Variants in RNF150 observed in about 807,000 individuals in gnomAD.
RNF150 encodes the protein ring finger protein 150.
RNF150 carries 24 observed loss-of-function variants against 39.3 expected under a neutral mutation model. That is an observed-to-expected ratio of 0.61 (90% CI 0.44 to 0.86). The LOEUF is 0.86. RNF150 is among the 40% of genes least tolerant of loss of function. The pLI, the probability that RNF150 is intolerant of heterozygous loss-of-function variation, is 0.00. For synonymous variants in RNF150, 255 were observed against 227.3 expected, an observed-to-expected ratio of 1.12 and a Z score of -1.10; for missense variants, 502 against 587.8, an observed-to-expected ratio of 0.85 and a Z score of 1.51.
At chr4:140,989,941 A>T (rs1734139012) in intron 1 of RNF150, among the ~76,000 whole-genome samples, 1 of 152,236 alleles carries the variant, frequency 6.6e-6, no homozygotes, top group East Asian at 1.9e-4. Context: ...ACATATGCTG[A>T]AAGCATGGAC....
At chr4:140,999,974 A>G (rs1279303613) in intron 1 of RNF150, among the ~76,000 whole-genome samples, 6 of 30,536 alleles carry the variant, frequency 2.0e-4, no homozygotes, top group South Asian at 3.4e-3. Flanking sequence ...AAGAAGAAGA[A>G]GAAAAGAAGA....
In RNF150 at chr4:141,178,488, G is replaced by GT. The variant is rs1164728487; in HGVS notation, c.-6+34305dup. Among the ~76,000 whole-genome samples, 141 of 152,274 alleles carry GT rather than the reference G, an allele frequency of 9.3e-4. 2 individuals are homozygous for GT. The highest frequency in any genetic ancestry group is 3.3e-3 in the African/African-American group (138 of 41,560). ...GTATATTTTCTTTATTTTTTTCCAT[G>GT]TAAGAGGTACGTTGAGAAGAACAAT... is the stretch of plus-strand genomic sequence containing the variant. On this transcript the variant is annotated intron_variant, in intron 1 of 7. Transcript: ENST00000420921.
At chr4:141,155,068 G>C (rs1440876086) in intron 1 of RNF150, among the ~76,000 whole-genome samples, 3 of 151,878 alleles carry the variant, frequency 2.0e-5, no homozygotes, top group Non-Finnish European at 4.4e-5. Context: ...TATACATTTG[G>C]AGAGGAGAGC....
At chr4:141,056,711 G>A (rs376613970) in intron 1 of RNF150, among the ~76,000 whole-genome samples, 10 of 151,560 alleles carry the variant, frequency 6.6e-5, no homozygotes, top group African/African-American at 2.4e-4. Context: ...ACATGAAGGC[G>A]TGAGGGAAAA....
At chr4:140,964,466 T>C (rs1733156937) in intron 2 of RNF150, among the ~76,000 whole-genome samples, 1 of 152,108 alleles carries the variant, frequency 6.6e-6, no homozygotes, top group South Asian at 2.1e-4. Context: ...AATGAGGCTG[T>C]TAATAATATA....
At chr4:141,153,107 T>C (rs972829443) in intron 1 of RNF150, among the ~76,000 whole-genome samples, 1 of 152,146 alleles carries the variant, frequency 6.6e-6, no homozygotes, top group African/African-American at 2.4e-5. Context: ...TGAGAAAAAT[T>C]TTTAATTCTT....
rs575127875 is a variant in RNF150, at chr4:141,129,223, T to G, written c.484+3102A>C. ...TAGAAACAACGTAATTTTCCATCAG[T>G]TGATGAATAAATACACAAAATGTGA... On this transcript the variant is annotated intron_variant, in intron 1 of 6. Coordinates refer to ENST00000515673, the MANE Select transcript of RNF150 (RefSeq NM_020724.2). Among the ~76,000 whole-genome samples the G allele has an allele frequency of 2.0e-5, 3 of 152,308 alleles. No individual in the cohort carries two copies. In the South Asian group the frequency reaches 6.2e-4, roughly 32 times the overall value.
At position 141,195,107 on chromosome 4, in the gene RNF150, T is replaced by TACAC. The variant is rs71584397; in HGVS notation, c.-6+17683_-6+17686dup. Among the ~76,000 whole-genome samples the TACAC allele has an allele frequency of 4.8e-3, 718 of 150,106 alleles. 9 individuals are homozygous for TACAC. The highest frequency in any genetic ancestry group is 0.016 in the African/African-American group (669 of 40,952). On this transcript the variant is annotated intron_variant, in intron 1 of 7. Transcript: ENST00000420921. The stretch of plus-strand genomic sequence containing the variant: ...CACATCCCCTTTCCAGATACATGAA[T>TACAC]ACACACACACACACACACACCTGTG...
intron 1 of RNF150, among the ~76,000 whole-genome samples, chr4:141,097,924 CA>C (rs1319359722): frequency 6.6e-6 from 1 of 152,090 alleles, no homozygotes; most frequent in Non-Finnish European, 1.5e-5. Flanking sequence ...AGATTTGAGA[CA>C]AATTCAACTA....
intron 1 of RNF150, among the ~76,000 whole-genome samples, chr4:141,170,251 C>T (rs3098031): frequency 0.37 from 56,191 of 151,942 alleles, 12,783 homozygotes; most frequent in Non-Finnish European, 0.5. Flanking sequence ...AACATATTGA[C>T]GAATGCTCTT....
intron 1 of RNF150, among the ~76,000 whole-genome samples, chr4:141,052,583 C>A (rs543467458): frequency 7.9e-5 from 12 of 152,138 alleles, no homozygotes; most frequent in Non-Finnish European, 1.3e-4. Flanking sequence ...ACTACGTTGG[C>A]CAGGCTGGTC....
intron 2 of RNF150, among the ~76,000 whole-genome samples, chr4:140,951,467 T>C (rs1560983306): frequency 6.6e-6 from 1 of 152,068 alleles, no homozygotes; most frequent in East Asian, 1.9e-4. Context: ...CTATCAACTG[T>C]AGTTTAATTT....
At chr4:141,037,350 A>T (rs553948442) in intron 1 of RNF150, among the ~76,000 whole-genome samples, 75 of 152,324 alleles carry the variant, frequency 4.9e-4, no homozygotes, top group African/African-American at 1.8e-3. Flanking sequence ...TTAAGAAACC[A>T]ATGCATAATA....
chr4:141,062,721 G>C (rs562218359), intron 1 of RNF150, among the ~76,000 whole-genome samples: 6 of 152,104 alleles, frequency 3.9e-5, no homozygotes, highest in Admixed American at 6.6e-5. Flanking sequence ...GTGCAGGTTT[G>C]TCACATAGGT....
At chr4:141,211,948 A>G (rs1373213609) in intron 1 of RNF150, among the ~76,000 whole-genome samples, 1 of 152,214 alleles carries the variant, frequency 6.6e-6, no homozygotes, top group Non-Finnish European at 1.5e-5. Flanking sequence ...AACTAAAAGA[A>G]ATAAATAGAA....
intron 5 of RNF150, among the ~76,000 whole-genome samples, chr4:140,920,987 T>G (rs1731101139): frequency 6.6e-6 from 1 of 151,364 alleles, no homozygotes; most frequent in South Asian, 2.1e-4. Context: ...AATTGAACAC[T>G]GAGAATACAT....
At chr4:140,965,094 T>G (rs1411309965) in intron 2 of RNF150, among the ~76,000 whole-genome samples, 1 of 151,994 alleles carries the variant, frequency 6.6e-6, no homozygotes, top group Non-Finnish European at 1.5e-5. Context: ...AAAAAGAAAT[T>G]TGAAAAGTAG....
In RNF150 at chr4:140,863,940, A is replaced by G. The variant is rs1033479072; in HGVS notation, c.*4321T>C. The G allele has an allele frequency of 6.7e-6, 1 of 150,102 alleles. No homozygotes were observed. The highest frequency in any genetic ancestry group is 2.4e-5 in the African/African-American group (1 of 41,072). The allele number at this position is 150,102 out of a possible 1,614,324, so 9.3% of individuals were successfully genotyped here. On this transcript the variant is annotated 3_prime_UTR_variant, in exon 7 of 7. Transcript: ENST00000515673. ...TCTAAACAAAACTCATAAATAAGAA[A>G]GAATCCTATGTTAGATCACTGGCAT...
chr4:141,054,821 A>G (rs1271764568), intron 1 of RNF150, among the ~76,000 whole-genome samples: 1 of 152,214 alleles, frequency 6.6e-6, no homozygotes, highest in Non-Finnish European at 1.5e-5. Context: ...TGTATTAGGT[A>G]TTAATTTAAT....
Sources: allele counts gnomAD v4.1 joint callset (sites outside exome capture counted in the v4.1 genomes callset), GRCh38; gene constraint gnomAD v4.1.1; transcripts MANE v1.5; gene names NCBI Gene and HGNC (gene_info 2026-07-23, HGNC 2026-07-21).